The following WNT5A variants were observed in gnomAD, a reference collection of about 807,000 sequenced individuals.
WNT5A encodes the protein Wnt family member 5A.
WNT5A carries 9 observed loss-of-function variants against 42.1 expected under a neutral mutation model. The ratio of observed to expected loss-of-function variants is 0.21; its 90% CI spans 0.13 to 0.37. The LOEUF (loss-of-function observed/expected upper bound fraction) is 0.37. Ranked by LOEUF, WNT5A falls within the 10% of genes least tolerant of loss-of-function variation. The pLI is 1.00. For missense variants in WNT5A, 426 were observed against 534.0 expected (o/e 0.80, Z 1.99); for synonymous variants, 210 against 210.0 (o/e 1.00, Z 0.00).
chr3:55,490,990 A>G (rs2051652510), upstream of WNT5A, among the ~76,000 whole-genome samples: 1 of 152,204 alleles, frequency 6.6e-6, no homozygotes, highest in South Asian at 2.1e-4. Context: ...CCCCAGGAGC[A>G]ATAAGCTTCA....
chr3:55,502,051 T>C, the WNT5A span, among the ~76,000 whole-genome samples: 1 of 152,188 alleles, frequency 6.6e-6, no homozygotes, highest in Non-Finnish European at 1.5e-5. Context: ...CGTCATGCTA[T>C]GAGCTTGTTC....
At chr3:55,479,006 T>C in intron 3 of WNT5A, 1 of 198,338 alleles carries the variant, frequency 5.0e-6, no homozygotes, top group Non-Finnish European at 1.0e-5. Context: ...CCCCACCTAC[T>C]CTTAAGAAAC....
At chr3:55,490,101 C>T (rs1454591492), upstream of WNT5A, 3 of 152,250 alleles carry the variant, frequency 2.0e-5, no homozygotes, top group African/African-American at 4.8e-5. Context: ...AGGGCGCTCC[C>T]GAAGAATGGA....
At chr3:55,496,560 C>T in the WNT5A span, among the ~76,000 whole-genome samples, 3 of 152,214 alleles carry the variant, frequency 2.0e-5, no homozygotes, top group African/African-American at 4.8e-5. Flanking sequence ...AACGCGATGG[C>T]TCCACTCACG....
In WNT5A at chr3:55,468,081, CGTAA is replaced by C. The variant is rs900105854; in HGVS notation, c.*2007_*2010del. 1 of 144,042 alleles carries C rather than the reference CGTAA, an allele frequency of 6.9e-6. No individual in the cohort carries two copies. The highest frequency in any genetic ancestry group is 2.6e-5 in the African/African-American group (1 of 39,034). 8.9% of individuals were successfully genotyped at this position (144,042 alleles called of 1,614,324 possible). ...GTATCTTTCCAAACTTTTAAAACAA[CGTAA>C]GTCTGAGATAAGAACATATTTGATG... On this transcript the variant is annotated 3_prime_UTR_variant, in exon 5 of 5. Transcript: ENST00000264634.
Position 55,487,300 on chromosome 3 carries a change from A to C in WNT5A, c.-315T>G. ...GCCGGTCCGGCGAGGGCGCGCAGGC[A>C]ACTGTTCCACGGAGAGGCGCTCCGT... is the stretch of plus-strand genomic sequence containing the variant. On this transcript the variant is annotated 5_prime_UTR_variant, in exon 1 of 5. Transcript: ENST00000264634. 2.4e-6 allele frequency: 1 copy of C among 420,974 alleles called. No homozygotes were observed. The allele number at this position is 420,974 out of a possible 1,614,324, so 26.1% of individuals were successfully genotyped here. A position where few individuals can be genotyped will look rare whatever the true frequency, so the allele number is the denominator to read the frequency against.
chr3:55,469,947 T>A lies in WNT5A; in HGVS notation c.*145A>T. The A allele has an allele frequency of 1.2e-6, 1 of 830,392 alleles. No individual in the cohort carries two copies. 51.4% of individuals were successfully genotyped at this position (830,392 alleles called of 1,614,324 possible). ...TATTAATAATAAACCACAGAGTTCT[T>A]AGATGGTAACAGGAAAAAAAATGGT... On this transcript the variant is annotated 3_prime_UTR_variant, in exon 5 of 5. Transcript: ENST00000264634.
chr3:55,479,242 AAGTAAAT>A, intron 3 of WNT5A, 65 bp downstream of exon 3: 1 of 1,420,416 alleles, frequency 7.0e-7, no homozygotes, highest in African/African-American at 1.4e-5. Context: ...ATCAAGCATG[AAGTAAAT>A]GCTAAGGATT....
At chr3:55,479,831 G>C (rs1438659917) in intron 2 of WNT5A, among the ~76,000 whole-genome samples, 1 of 152,046 alleles carries the variant, frequency 6.6e-6, no homozygotes, top group Non-Finnish European at 1.5e-5. Flanking sequence ...CCATATACCT[G>C]AACCAGTATT....
At chr3:55,495,395 T>C (rs572424765), upstream of WNT5A, among the ~76,000 whole-genome samples, 3 of 152,348 alleles carry the variant, frequency 2.0e-5, no homozygotes, top group South Asian at 6.2e-4. Context: ...CTTCTGTAAG[T>C]TCAACTTTTT....
chr3:55,477,910 A>T (rs1297531297), intron 3 of WNT5A, among the ~76,000 whole-genome samples: 1 of 152,204 alleles, frequency 6.6e-6, no homozygotes, highest in Non-Finnish European at 1.5e-5. Context: ...GTTGAGAGGA[A>T]GGCAGTTTAG....
chr3:55,479,342 G>C lies in WNT5A; in HGVS notation c.363C>G (p.Thr121=). 1 of 1,591,914 alleles carries C rather than the reference G, an allele frequency of 6.3e-7. No homozygotes were observed. Among genetic ancestry groups the C allele is most frequent in the Non-Finnish European group, 8.6e-7 (1 of 1,166,696 alleles). ...TCTGCATCACCCTGCCAAAAACAGA[G>C]GTGTTATCCACAGTGCTGCAGTTCC... is the stretch of plus-strand genomic sequence containing the variant. ...RRWNCSTVDN[T]SVFGRVMQIG... Residue 121 remains threonine, a synonymous_variant, in exon 3 of 5, where the codon ACC becomes ACG. Transcript: ENST00000264634.
At position 55,469,321 on chromosome 3, in the gene WNT5A, G is replaced by A. The variant is rs954127436; in HGVS notation, c.*771C>T. 6.6e-6 allele frequency: 1 copy of A among 152,080 alleles called. No individual in the cohort carries two copies. The highest frequency in any genetic ancestry group is 6.5e-5 in the Admixed American group (1 of 15,270). The allele number at this position is 152,080 out of a possible 1,614,324, so 9.4% of individuals were successfully genotyped here. A position where few individuals can be genotyped will look rare whatever the true frequency, so the allele number is the denominator to read the frequency against. On this transcript the variant is annotated 3_prime_UTR_variant, in exon 5 of 5. Coordinates refer to ENST00000264634, the MANE Select transcript of WNT5A (RefSeq NM_003392.7). ...TCATTTGGGGATCTTTTTACAATCT[G>A]GAATCCTAATTCTTATAACAGCTTC... is the stretch of plus-strand genomic sequence containing the variant.
the WNT5A span, among the ~76,000 whole-genome samples, chr3:55,499,976 C>A: frequency 1.6e-5 from 1 of 61,662 alleles, no homozygotes; most frequent in African/African-American, 1.5e-4. Context: ...CTCCATCCCC[C>A]CTCCAAAAAA....
Position 55,470,293 on chromosome 3 carries a change from G to A in WNT5A, c.942C>T (p.Ser314=), listed in dbSNP as rs1468259840. 6 of 1,613,958 alleles carry A rather than the reference G, an allele frequency of 3.7e-6. No individual in the cohort carries two copies. The highest frequency in any genetic ancestry group is 1.6e-4 in the Middle Eastern group (1 of 6,084). ...GGCCCTGCGTGCCCAGCGAGCCGGT[G>A]CTCTCATTGCGCACGCAGTAGTCAG... ...PSPDYCVRNE[S]TGSLGTQGRL... is the part of the protein sequence containing the mutation. Residue 314 remains serine (S), a synonymous_variant, in exon 5 of 5, where the codon AGC becomes AGT. Coordinates refer to ENST00000264634, the MANE Select transcript of WNT5A (RefSeq NM_003392.7).
At position 55,472,743 on chromosome 3, in the gene WNT5A, GA is replaced by G. The variant is rs749373367; in HGVS notation, c.684+1593del. Reference sequence around the variant, plus strand: ...CCCAAATGTTTAACAACAAATTTGAGAAGATAAGCTAGCTGGAATTATCTAC... The same window carrying G: ...CCCAAATGTTTAACAACAAATTTGAGAGATAAGCTAGCTGGAATTATCTAC... On this transcript the variant is annotated intron_variant, in intron 4 of 4. Transcript: ENST00000264634. 2.9e-4 allele frequency among the ~76,000 whole-genome samples: 44 copies of G among 152,246 alleles called. 1 individual carries two copies. In the East Asian group the frequency reaches 7.7e-3, roughly 27 times the overall value.
chr3:55,470,602 C>G, intron 4 of WNT5A, 52 bp from the exon 5 acceptor site: 33 of 1,440,350 alleles, frequency 2.3e-5, no homozygotes, highest in Non-Finnish European at 3.0e-5. Context: ...GAGCCAGATG[C>G]AGGCTATAGG....
intron 3 of WNT5A, among the ~76,000 whole-genome samples, chr3:55,478,301 G>A (rs535945162): frequency 9.2e-5 from 14 of 151,548 alleles, no homozygotes; most frequent in African/African-American, 2.2e-4. Context: ...TGTAATTTTC[G>A]GGGTTTTTTT....
intron 3 of WNT5A, among the ~76,000 whole-genome samples, chr3:55,475,256 T>C (rs1421883059): frequency 2.0e-5 from 3 of 152,200 alleles, no homozygotes; most frequent in African/African-American, 7.2e-5. Flanking sequence ...TACACTTATT[T>C]TAATATTAAG....
Sources: gnomAD v4.1 joint callset for allele counts (sites outside exome capture counted in the v4.1 genomes callset) on GRCh38, gnomAD v4.1.1 for gene constraint, MANE v1.5 for transcripts, NCBI Gene and HGNC (gene_info 2026-07-23, HGNC 2026-07-21) for gene names.